FAM120B: variants seen among roughly 807,000 people sequenced by gnomAD.
FAM120B encodes family with sequence similarity 120 member B.
FAM120B carries 83 observed loss-of-function variants against 96.3 expected under a neutral mutation model. That is an observed-to-expected ratio of 0.86 (90% CI 0.72 to 1.03). The LOEUF (loss-of-function observed/expected upper bound fraction) is 1.03. FAM120B is among the 50% of genes least tolerant of loss of function. FAM120B has a pLI of 0.00. For synonymous variants in FAM120B, 407 were observed against 402.7 expected (o/e 1.01, Z -0.13); for missense variants, 1,027 against 1,121.2 (o/e 0.92, Z 1.20).
intron 6 of FAM120B, among the ~76,000 whole-genome samples, chr6:170,371,258 C>T (rs1429208196): frequency 6.6e-6 from 1 of 151,930 alleles, no homozygotes; most frequent in African/African-American, 2.4e-5. Context: ...TGTGGCCTTT[C>T]GTGTCTGGCA....
At chr6:170,371,713 C>G (rs567208399) in intron 6 of FAM120B, among the ~76,000 whole-genome samples, 1 of 152,318 alleles carries the variant, frequency 6.6e-6, no homozygotes, top group African/African-American at 2.4e-5. Flanking sequence ...GGTCAGAGCC[C>G]CCTCTGTGCT....
chr6:170,359,374 CAA>C (rs1788186988), intron 6 of FAM120B, among the ~76,000 whole-genome samples: 1 of 145,454 alleles, frequency 6.9e-6, no homozygotes, highest in African/African-American at 2.5e-5. Flanking sequence ...ACCTGGGCAA[CAA>C]GAGCGAAACT....
At chr6:170,329,745 T>G (rs1211381300) in intron 3 of FAM120B, among the ~76,000 whole-genome samples, 1 of 152,166 alleles carries the variant, frequency 6.6e-6, no homozygotes, top group South Asian at 2.1e-4. Flanking sequence ...GATTCCTGTT[T>G]TTGTGTTTTT....
intron 5 of FAM120B, among the ~76,000 whole-genome samples, chr6:170,352,647 T>C (rs1253514247): frequency 6.6e-6 from 1 of 152,132 alleles, no homozygotes; most frequent in Non-Finnish European, 1.5e-5. Context: ...CACAACTACA[T>C]GGAAATTGAA....
intron 9 of FAM120B, among the ~76,000 whole-genome samples, chr6:170,396,883 G>A (rs1235681711): frequency 6.6e-6 from 1 of 152,248 alleles, no homozygotes; most frequent in African/African-American, 2.4e-5. Flanking sequence ...AACTTACGTA[G>A]ACTCAGACTG....
At position 170,323,026 on chromosome 6, in the gene FAM120B, G is replaced by A. The variant is rs1036004329; in HGVS notation, c.1735-53G>A. On this transcript the variant is annotated intron_variant, in intron 2 of 10. Transcript: ENST00000476287. The stretch of plus-strand genomic sequence containing the variant: ...AAGGCATTGACTTTTTCTATTTGAA[G>A]GTTACTATCCTGTTTTTAAGGAGAA... The A allele has an allele frequency of 8.9e-6, 13 of 1,464,002 alleles. No homozygotes were observed. In the African/African-American group the frequency reaches 1.9e-4, roughly 21 times the overall value. The allele number at this position is 1,464,002 out of a possible 1,614,324, so 90.7% of individuals were successfully genotyped here.
chr6:170,317,271 T>C, intron 1 of FAM120B, 99 bp from the exon 2 acceptor site: 1 of 947,430 alleles, frequency 1.1e-6, no homozygotes, highest in Non-Finnish European at 1.6e-6. Context: ...AGAGTGTTTT[T>C]GGAAACAGTG....
At chr6:170,378,802 G>T (rs1322015824) in intron 6 of FAM120B, among the ~76,000 whole-genome samples, 1 of 152,236 alleles carries the variant, frequency 6.6e-6, no homozygotes, top group Non-Finnish European at 1.5e-5. Context: ...GCTTCCGGTT[G>T]TGGGCAGGGT....
intron 8 of FAM120B, among the ~76,000 whole-genome samples, chr6:170,391,746 A>G (rs1316465983): frequency 1.3e-5 from 2 of 152,332 alleles, no homozygotes; most frequent in African/African-American, 4.8e-5. Flanking sequence ...TTCTTATGAT[A>G]AAAGTATATT....
At chr6:170,381,225 C>A (rs1273460625) in intron 6 of FAM120B, among the ~76,000 whole-genome samples, 1 of 152,122 alleles carries the variant, frequency 6.6e-6, no homozygotes, top group East Asian at 1.9e-4. Flanking sequence ...TTACTATAGA[C>A]CCTTCTAAGA....
rs779533323 is a variant in FAM120B at position 170,317,887 on chromosome 6, A to G, written c.497A>G (p.Tyr166Cys). The change falls in exon 2 of 11, where the codon TAT becomes TGT. Residue 166 changes from tyrosine (Y) to cysteine (C), a missense_variant. Coordinates refer to ENST00000476287, the MANE Select transcript of FAM120B (RefSeq NM_032448.3). The stretch of plus-strand genomic sequence containing the variant: ...GAAGCAGATTATGAGGTAGCTTCCT[A>G]TGGCCTCCAGCATAACTGTCTTGGG... Reference protein sequence around the residue: ...LQEADYEVASYGLQHNCLGIL... With the variant: ...LQEADYEVASCGLQHNCLGIL... 7.4e-6 allele frequency: 12 copies of G among 1,614,232 alleles called. No homozygotes were observed. Among genetic ancestry groups the G allele is most frequent in the East Asian group, 2.2e-5 (1 of 44,890 alleles).
chr6:170,390,025 T>C (rs1368297071), intron 7 of FAM120B, among the ~76,000 whole-genome samples: 1 of 152,196 alleles, frequency 6.6e-6, no homozygotes, highest in Non-Finnish European at 1.5e-5. Flanking sequence ...ATAAATACAA[T>C]CGCTACATGA....
chr6:170,371,565 A>C (rs997256434), intron 6 of FAM120B, among the ~76,000 whole-genome samples: 4 of 152,190 alleles, frequency 2.6e-5, no homozygotes, highest in African/African-American at 9.7e-5. Flanking sequence ...AGTTTCAAGA[A>C]TTGTGTGTAA....
chr6:170,320,559 C>G (rs9366203), intron 2 of FAM120B, among the ~76,000 whole-genome samples: 17,428 of 152,022 alleles, frequency 0.11, 1,314 homozygotes, highest in East Asian at 0.31. Flanking sequence ...TGAGTACCGG[C>G]GATGGTAGAT....
intron 9 of FAM120B, among the ~76,000 whole-genome samples, chr6:170,396,861 AG>A (rs1415043108): frequency 6.6e-6 from 1 of 152,230 alleles, no homozygotes; most frequent in African/African-American, 2.4e-5. Context: ...AAACAATGGG[AG>A]GGGTTTTGTA....
Position 170,318,839 on chromosome 6 carries a change from A to G in FAM120B, c.1449A>G (p.Gln483=), listed in dbSNP as rs752304765. ...VPMYTGPESR[Q]EVLIRTDPES... ...TGTATACAGGCCCTGAATCCAGGCA[A>G]GAAGTTTTAATACGGACAGACCCTG... The change falls in exon 2 of 11, where the codon CAA becomes CAG. Residue 483 remains glutamine, a synonymous_variant. Coordinates refer to ENST00000476287, the MANE Select transcript of FAM120B (RefSeq NM_032448.3). The G allele has an allele frequency of 1.2e-6, 2 of 1,614,262 alleles. No individual in the cohort carries two copies. The highest frequency in any genetic ancestry group is 1.7e-6 in the Non-Finnish European group (2 of 1,180,050).
chr6:170,358,689 G>A (rs562947383), intron 6 of FAM120B, among the ~76,000 whole-genome samples: 18 of 152,322 alleles, frequency 1.2e-4, no homozygotes, highest in Admixed American at 1.0e-3. Flanking sequence ...GGGTGGGGCC[G>A]CCTGGCACCT....
intron 1 of FAM120B, among the ~76,000 whole-genome samples, chr6:170,301,431 G>A (rs1191701957): frequency 1.3e-5 from 2 of 152,238 alleles, no homozygotes; most frequent in African/African-American, 4.8e-5. Context: ...TAATGGGAGG[G>A]GCTGCCATGA....
At chr6:170,315,887 G>A (rs1400734049) in intron 1 of FAM120B, among the ~76,000 whole-genome samples, 1 of 150,650 alleles carries the variant, frequency 6.6e-6, no homozygotes, top group Non-Finnish European at 1.5e-5. Flanking sequence ...TTTGAGACCA[G>A]CCTGGACAAC....
Sources: gnomAD v4.1 joint callset for allele counts (sites outside exome capture counted in the v4.1 genomes callset) on GRCh38, gnomAD v4.1.1 for gene constraint, MANE v1.5 for transcripts, NCBI Gene and HGNC (gene_info 2026-07-23, HGNC 2026-07-21) for gene names.